Variants in PTPRD observed in about 807,000 individuals in gnomAD.
PTPRD encodes protein tyrosine phosphatase receptor type D.
Under a neutral mutation model 214.5 loss-of-function variants are expected in PTPRD, and 34 were observed. The ratio of observed to expected loss-of-function variants is 0.16; its 90% CI spans 0.12 to 0.21. The LOEUF (loss-of-function observed/expected upper bound fraction) is 0.21. PTPRD is among the 10% of genes least tolerant of loss of function. The probability of loss-of-function intolerance (pLI) is 1.00; values close to 1 mark genes in which losing one functional copy is unlikely to be tolerated. For synonymous variants in PTPRD, 1,128 were observed against 845.7 expected (o/e 1.33, Z -5.79); for missense variants, 2,545 against 2,398.7 (o/e 1.06, Z -1.27).
intron 8 of PTPRD, among the ~76,000 whole-genome samples, chr9:9,414,270 G>A (rs1171041316): frequency 6.6e-6 from 1 of 152,144 alleles, no homozygotes; most frequent in Non-Finnish European, 1.5e-5. Flanking sequence ...AGAAACAATA[G>A]CTTAAATTAA....
chr9:8,551,811 C>G (rs1410757839), intron 14 of PTPRD, among the ~76,000 whole-genome samples: 2 of 152,154 alleles, frequency 1.3e-5, no homozygotes, highest in African/African-American at 4.8e-5. Flanking sequence ...TAGAATAAAC[C>G]TGCACAGACT....
At chr9:8,726,591 AT>A (rs60018435) in intron 12 of PTPRD, among the ~76,000 whole-genome samples, 1 of 11,634 alleles carries the variant, frequency 8.6e-5, no homozygotes, top group Non-Finnish European at 1.3e-4. Flanking sequence ...AAAAAAAAAT[AT>A]ATATATATAT....
intron 2 of PTPRD, among the ~76,000 whole-genome samples, chr9:10,469,608 C>G (rs1478552567): frequency 1.3e-5 from 2 of 152,020 alleles, no homozygotes; most frequent in Admixed American, 6.6e-5. Context: ...GGCGCTTCCT[C>G]AAAGAACTAA....
At position 9,619,399 on chromosome 9, in the gene PTPRD, A is replaced by T. The variant is rs148140282; in HGVS notation, c.-286-44618T>A. Among the ~76,000 whole-genome samples the T allele has an allele frequency of 5.3e-4, 81 of 151,746 alleles. 1 individual carries two copies. The highest frequency in any genetic ancestry group is 2.0e-3 in the African/African-American group (81 of 41,456). On this transcript the variant is annotated intron_variant, in intron 7 of 45. Coordinates refer to ENST00000381196, the MANE Select transcript of PTPRD (RefSeq NM_002839.4). ...TCACAGAAGGTGGCTAAACTTTGAC[A>T]CTGATCCAACCTAAATTATGAAAAA...
chr9:9,111,984 C>T (rs2099806777), intron 10 of PTPRD, among the ~76,000 whole-genome samples: 1 of 152,190 alleles, frequency 6.6e-6, no homozygotes, highest in East Asian at 1.9e-4. Context: ...CAGGCCATTG[C>T]CATGGGGAGT....
intron 11 of PTPRD, among the ~76,000 whole-genome samples, chr9:8,840,936 T>TGTGTTGAA (rs2097545989): frequency 6.6e-6 from 1 of 152,190 alleles, no homozygotes; most frequent in Admixed American, 6.5e-5. Context: ...AAGGTCAGTG[T>TGTGTTGAA]CATGTGTGAA....
intron 44 of PTPRD, among the ~76,000 whole-genome samples, chr9:8,328,144 A>G (rs538322515): frequency 1.3e-5 from 2 of 152,296 alleles, no homozygotes; most frequent in African/African-American, 4.8e-5. Flanking sequence ...GTGTTTTTGC[A>G]GTGGCTGGTA....
At chr9:9,549,465 C>T (rs2079647085) in intron 8 of PTPRD, among the ~76,000 whole-genome samples, 1 of 151,908 alleles carries the variant, frequency 6.6e-6, no homozygotes, top group Non-Finnish European at 1.5e-5. Context: ...AAACTGAAAC[C>T]ATCATAAGAT....
intron 7 of PTPRD, among the ~76,000 whole-genome samples, chr9:9,676,779 C>T (rs2096939516): frequency 6.6e-6 from 1 of 152,164 alleles, no homozygotes; most frequent in South Asian, 2.1e-4. Flanking sequence ...ACATCCTCTC[C>T]AGCACCTGTT....
At chr9:8,634,688 T>A (rs1440429756) in intron 13 of PTPRD, among the ~76,000 whole-genome samples, 1 of 152,104 alleles carries the variant, frequency 6.6e-6, no homozygotes, top group Admixed American at 6.6e-5. Context: ...GGAAGCTTTG[T>A]TAAGCATTCC....
chr9:9,838,613 G>T (rs1401033456), intron 5 of PTPRD, among the ~76,000 whole-genome samples: 8 of 152,024 alleles, frequency 5.3e-5, no homozygotes, highest in Non-Finnish European at 7.4e-5. Flanking sequence ...TTTTAATTGG[G>T]TTGCTTTTTT....
intron 35 of PTPRD, among the ~76,000 whole-genome samples, chr9:8,419,449 T>C (rs928386606): frequency 1.3e-5 from 2 of 151,804 alleles, no homozygotes; most frequent in Non-Finnish European, 2.9e-5. Flanking sequence ...CCAAACAATA[T>C]AGCGAACAAA....
At chr9:8,385,686 C>A (rs895801659) in intron 37 of PTPRD, among the ~76,000 whole-genome samples, 1 of 152,126 alleles carries the variant, frequency 6.6e-6, no homozygotes, top group Non-Finnish European at 1.5e-5. Context: ...CTTATCACTA[C>A]ATGTAACCCA....
intron 5 of PTPRD, among the ~76,000 whole-genome samples, chr9:9,878,549 G>A (rs966470570): frequency 2.0e-5 from 3 of 152,162 alleles, no homozygotes; most frequent in East Asian, 1.9e-4. Context: ...AAGAGACTTG[G>A]TAAGTTAGAA....
intron 5 of PTPRD, among the ~76,000 whole-genome samples, chr9:9,789,710 T>C (rs1455474239): frequency 7.5e-6 from 1 of 132,642 alleles, no homozygotes; most frequent in East Asian, 2.2e-4. Context: ...GGAAGGAGAA[T>C]GGCGTGAACC....
chr9:8,869,706 T>G (rs2098261181), intron 11 of PTPRD, among the ~76,000 whole-genome samples: 1 of 151,604 alleles, frequency 6.6e-6, no homozygotes, highest in African/African-American at 2.4e-5. Context: ...GATTTGCCTT[T>G]TTCTTTCTTC....
Position 10,521,322 on chromosome 9 carries a change from G to C in PTPRD, c.-600+91076C>G, listed in dbSNP as rs545731867. On this transcript the variant is annotated intron_variant, in intron 2 of 45. Coordinates refer to ENST00000381196, the MANE Select transcript of PTPRD (RefSeq NM_002839.4). ...AATTAGAAATGGATCCCGAATATGT[G>C]ACTGAATTGCTGGAATGTCACGTTA... Among the ~76,000 whole-genome samples the C allele has an allele frequency of 1.1e-3, 169 of 152,274 alleles. 1 individual carries two copies. The highest frequency in any genetic ancestry group is 9.7e-3 in the South Asian group (47 of 4,826).
intron 26 of PTPRD, among the ~76,000 whole-genome samples, chr9:8,493,623 A>G (rs2097194607): frequency 6.6e-6 from 1 of 152,202 alleles, no homozygotes; most frequent in African/African-American, 2.4e-5. Context: ...TTATTTGTAT[A>G]GGCTATGAGC....
chr9:8,966,419 AG>A (rs2099195238), intron 11 of PTPRD, among the ~76,000 whole-genome samples: 1 of 152,044 alleles, frequency 6.6e-6, no homozygotes, highest in Admixed American at 6.6e-5. Context: ...CCAGTGGAAG[AG>A]AAAAAAAAAA....
Sources: allele counts gnomAD v4.1 joint callset (sites outside exome capture counted in the v4.1 genomes callset), GRCh38; gene constraint gnomAD v4.1.1; transcripts MANE v1.5; gene names NCBI Gene and HGNC (gene_info 2026-07-23, HGNC 2026-07-21).